Variants in SLCO1C1 observed in about 807,000 individuals in gnomAD.
SLCO1C1 encodes solute carrier organic anion transporter family member 1C1.
SLCO1C1 carries 70 observed loss-of-function variants against 76.4 expected under a neutral mutation model. That is an observed-to-expected ratio of 0.92 (90% CI 0.76 to 1.12). The LOEUF (loss-of-function observed/expected upper bound fraction) is 1.12, where lower values mean the gene tolerates loss of function less well. Ranked by LOEUF, SLCO1C1 falls within the 50% of genes most tolerant of loss-of-function variation. The pLI, the probability that SLCO1C1 is intolerant of heterozygous loss-of-function variation, is 0.00. For missense variants in SLCO1C1, 912 were observed against 823.8 expected (o/e 1.11, Z -1.31); for synonymous variants, 306 against 286.1 (o/e 1.07, Z -0.70).
At chr12:20,742,402 T>A (rs1948858174) in intron 12 of SLCO1C1, among the ~76,000 whole-genome samples, 2 of 152,008 alleles carry the variant, frequency 1.3e-5, no homozygotes, top group Non-Finnish European at 2.9e-5. Flanking sequence ...CTTAGTAGTG[T>A]GGTTAACACT....
chr12:20,724,440 T>C (rs1947847153), intron 9 of SLCO1C1, among the ~76,000 whole-genome samples: 1 of 122,364 alleles, frequency 8.2e-6, no homozygotes, highest in Non-Finnish European at 1.7e-5. Flanking sequence ...TATATATATA[T>C]ATATATATAT....
chr12:20,737,137 T>C lies in SLCO1C1; in HGVS notation c.1413T>C (p.Ala471=), dbSNP rs188160330. ...AACCTGTCTCTTATCATGAACGAGCTCTCTTTTCAGATTGCAACTCAAGAT... is the reference window on the plus strand; with the variant it reads ...AACCTGTCTCTTATCATGAACGAGCCCTCTTTTCAGATTGCAACTCAAGAT... ...GTKPVSYHER[A]LFSDCNSRCK... The change falls in exon 11 of 15, where the codon GCT becomes GCC. Residue 471 remains alanine (A), a synonymous_variant. Transcript: ENST00000266509. 67 of 1,540,136 alleles carry C rather than the reference T, an allele frequency of 4.4e-5. No homozygotes were observed. In the East Asian group the frequency reaches 1.7e-3, roughly 38 times the overall value.
At chr12:20,744,732 T>C (rs10841602) in intron 13 of SLCO1C1, among the ~76,000 whole-genome samples, 7,369 of 152,228 alleles carry the variant, frequency 0.048, 479 homozygotes, top group African/African-American at 0.15. Flanking sequence ...TAAAATTATA[T>C]ATAGATTTAC....
chr12:20,709,487 T>G (rs1193167367), intron 4 of SLCO1C1, among the ~76,000 whole-genome samples: 1 of 152,194 alleles, frequency 6.6e-6, no homozygotes, highest in African/African-American at 2.4e-5. Context: ...ACTTCAATAG[T>G]CTTGAAGCAT....
intron 9 of SLCO1C1, among the ~76,000 whole-genome samples, chr12:20,728,510 G>A (rs972506232): frequency 2.0e-5 from 3 of 151,392 alleles, no homozygotes; most frequent in Non-Finnish European, 4.4e-5. Context: ...TTATGACAAT[G>A]ATTATCATTC....
intron 6 of SLCO1C1, among the ~76,000 whole-genome samples, chr12:20,716,346 C>T (rs559627068): frequency 6.6e-6 from 1 of 152,298 alleles, no homozygotes; most frequent in South Asian, 2.1e-4. Flanking sequence ...CTTAGGTGTG[C>T]CCTTCTTCTC....
chr12:20,709,838 G>A lies in SLCO1C1; in HGVS notation c.405-1548G>A, dbSNP rs1422880513. Among the ~76,000 whole-genome samples the A allele has an allele frequency of 1.5e-4, 2 of 13,400 alleles. 1 individual carries two copies. Among genetic ancestry groups the A allele is most frequent in the Admixed American group, 1.1e-3 (2 of 1,784 alleles). The allele number at this position is 13,400 out of a possible 152,430, so 8.8% of individuals were successfully genotyped here. ...GGAGCTTGCAGTGAGCCGAGATTGC[G>A]CCACTGCAGTCCGCAGTCCGACCTG... On this transcript the variant is annotated intron_variant, in intron 4 of 14. Coordinates refer to ENST00000266509, the MANE Select transcript of SLCO1C1 (RefSeq NM_017435.5).
chr12:20,728,814 G>A lies in SLCO1C1; in HGVS notation c.1187-4095G>A, dbSNP rs146805304. ...TCCTTCATAACTCCTTTTTACATCA[G>A]TATCAAGGAATAAAATCTTTAACCT... On this transcript the variant is annotated intron_variant, in intron 9 of 14. Transcript: ENST00000266509. 8.6e-5 allele frequency among the ~76,000 whole-genome samples: 13 copies of A among 151,882 alleles called. No individual in the cohort carries two copies. The East Asian group carries it at 2.5e-3, about 29-fold the overall frequency.
intron 12 of SLCO1C1, among the ~76,000 whole-genome samples, chr12:20,741,427 A>G (rs1449598993): frequency 1.3e-5 from 2 of 152,168 alleles, no homozygotes; most frequent in Non-Finnish European, 2.9e-5. Flanking sequence ...TATATTATAA[A>G]TATTTTTATT....
At chr12:20,709,145 C>A (rs755771427) in intron 4 of SLCO1C1, among the ~76,000 whole-genome samples, 1 of 152,058 alleles carries the variant, frequency 6.6e-6, no homozygotes, top group South Asian at 2.1e-4. Flanking sequence ...GATTTGAATG[C>A]GGGTCAGAAT....
At position 20,707,073 on chromosome 12, in the gene SLCO1C1, T is replaced by C. The variant is rs140827672; in HGVS notation, c.404+992T>C. On this transcript the variant is annotated intron_variant, in intron 4 of 14. Coordinates refer to ENST00000266509, the MANE Select transcript of SLCO1C1 (RefSeq NM_017435.5). ...AGATTTTTGACCTCCCTGGCCAATC[T>C]ATCAAGGTAGGGCTCAGAATTCTCT... Among the ~76,000 whole-genome samples the C allele has an allele frequency of 2.0e-5, 3 of 152,158 alleles. No individual in the cohort carries two copies. In the East Asian group the frequency reaches 5.8e-4, roughly 30 times the overall value.
In SLCO1C1 at chr12:20,740,206, T is replaced by G; in HGVS notation, c.1571T>G (p.Val524Gly). The change falls in exon 12 of 15, where the codon GTG (valine) becomes GGG (glycine). Residue 524 changes from valine to glycine, a missense_variant. By Grantham distance (109) the Val-to-Gly change is moderately radical. Coordinates refer to ENST00000266509, the MANE Select transcript of SLCO1C1 (RefSeq NM_017435.5). ...KNIIFYNCTC[V>G]GIAASKSGNS... ...CAGATATTTTACAACTGCACTTGTGTGGGAATTGCAGCTTCTAAATCCGGA... is the reference window on the plus strand; with the variant it reads ...CAGATATTTTACAACTGCACTTGTGGGGGAATTGCAGCTTCTAAATCCGGA... 1 of 1,612,306 alleles carries G rather than the reference T, an allele frequency of 6.2e-7. No individual in the cohort carries two copies. The highest frequency in any genetic ancestry group is 8.5e-7 in the Non-Finnish European group (1 of 1,179,450).
In SLCO1C1 at chr12:20,747,397, C is replaced by A. The variant is rs562552126; in HGVS notation, c.1799-3278C>A. 7.3e-5 allele frequency among the ~76,000 whole-genome samples: 11 copies of A among 151,546 alleles called. No individual in the cohort carries two copies. In the East Asian group the frequency reaches 2.2e-3, roughly 30 times the overall value. On this transcript the variant is annotated intron_variant, in intron 13 of 14. Transcript: ENST00000266509. ...TGAGCCAAGATTGTGCCACTGCACT[C>A]CAGCTTGGGTGACAGAGGGAGACTC...
rs1565541668 is a variant in SLCO1C1, at chr12:20,740,787, T to TATATATATATATATATATATATA, written c.1733+419_1733+420insATATATATATATATATATATATA. On this transcript the variant is annotated intron_variant, in intron 12 of 14. Coordinates refer to ENST00000266509, the MANE Select transcript of SLCO1C1 (RefSeq NM_017435.5). ...ACAACAATGTTAGAATTTATTTTATTTATATATATATATATATATATATAT... is the reference window on the plus strand; with the variant it reads ...ACAACAATGTTAGAATTTATTTTATTATATATATATATATATATATATATATATATATATATATATATATATAT... 2.7e-4 allele frequency among the ~76,000 whole-genome samples: 20 copies of TATATATATATATATATATATATA among 75,066 alleles called. 3 individuals are homozygous for TATATATATATATATATATATATA. Among genetic ancestry groups the TATATATATATATATATATATATA allele is most frequent in the Non-Finnish European group, 3.8e-4 (16 of 41,728 alleles). 49.2% of individuals were successfully genotyped at this position (75,066 alleles called of 152,430 possible). A position where few individuals can be genotyped will look rare whatever the true frequency, so the allele number is the denominator to read the frequency against.
intron 3 of SLCO1C1, among the ~76,000 whole-genome samples, chr12:20,703,291 C>G (rs903236031): frequency 5.9e-5 from 9 of 151,832 alleles, no homozygotes; most frequent in Non-Finnish European, 8.8e-5. Flanking sequence ...TATGTGGCAA[C>G]TTTGTTGAAA....
intron 5 of SLCO1C1, among the ~76,000 whole-genome samples, chr12:20,712,980 A>G (rs558570805): frequency 6.6e-6 from 1 of 152,346 alleles, no homozygotes; most frequent in African/African-American, 2.4e-5. Flanking sequence ...GTAAAAATAT[A>G]ACAGATAATA....
At chr12:20,699,736 T>C (rs754677592) in intron 2 of SLCO1C1, 31 bp downstream of exon 2, 3 of 1,585,280 alleles carry the variant, frequency 1.9e-6, no homozygotes, top group Admixed American at 1.9e-5. Flanking sequence ...ATAGTGTTGA[T>C]GCTCTTAGTT....
chr12:20,701,689 A>T (rs891565353), intron 3 of SLCO1C1, among the ~76,000 whole-genome samples: 1 of 151,606 alleles, frequency 6.6e-6, no homozygotes, highest in Non-Finnish European at 1.5e-5. Context: ...TATGGTTCAC[A>T]CAATTCAGAG....
chr12:20,702,895 G>T (rs138097953), intron 3 of SLCO1C1, among the ~76,000 whole-genome samples: 56 of 151,952 alleles, frequency 3.7e-4, no homozygotes, highest in African/African-American at 1.3e-3. Context: ...GCATAGAAAT[G>T]ATTTGGTCCA....
Sources: gnomAD v4.1 joint callset for allele counts (sites outside exome capture counted in the v4.1 genomes callset) on GRCh38, gnomAD v4.1.1 for gene constraint, MANE v1.5 for transcripts, NCBI Gene and HGNC (gene_info 2026-07-23, HGNC 2026-07-21) for gene names.